Variants in PKHD1 observed in about 807,000 individuals in gnomAD.
The protein encoded by PKHD1 is PKHD1 ciliary IPT domain containing fibrocystin/polyductin, also known as fibrocystin.
PKHD1 carries 291 observed loss-of-function variants against 412.0 expected under a neutral mutation model. That is an observed-to-expected ratio of 0.71 (90% confidence interval 0.64 to 0.78). PKHD1 has a LOEUF of 0.78. Ranked by LOEUF, PKHD1 falls within the 30% of genes least tolerant of loss-of-function variation. PKHD1 has a pLI of 0.00. For synonymous variants in PKHD1, 1,777 were observed against 1,821.5 expected, an observed-to-expected ratio of 0.98 and a Z score of 0.62; for missense variants, 4,825 against 4,950.7, an observed-to-expected ratio of 0.97 and a Z score of 0.76.
At chr6:51,958,914 T>G (rs900932740) in intron 36 of PKHD1, among the ~76,000 whole-genome samples, 2 of 151,842 alleles carry the variant, frequency 1.3e-5, no homozygotes, top group Admixed American at 6.6e-5. Flanking sequence ...ACTAATTAAC[T>G]GATTTGACTG....
intron 34 of PKHD1, among the ~76,000 whole-genome samples, chr6:52,014,163 C>A (rs1353913636): frequency 6.6e-6 from 1 of 152,166 alleles, no homozygotes; most frequent in Non-Finnish European, 1.5e-5. Context: ...CTACTCCCAC[C>A]CTCCTAGCCT....
At chr6:51,746,477 C>T (rs949886854) in intron 59 of PKHD1, among the ~76,000 whole-genome samples, 1 of 152,098 alleles carries the variant, frequency 6.6e-6, no homozygotes, top group Non-Finnish European at 1.5e-5. Flanking sequence ...ATGGCTGAGT[C>T]CAGATTCAAG....
intron 52 of PKHD1, among the ~76,000 whole-genome samples, chr6:51,802,791 C>CTT (rs1181840840): frequency 2.0e-5 from 3 of 151,110 alleles, no homozygotes; most frequent in African/African-American, 7.4e-5. Context: ...TAAATCTTCT[C>CTT]TTTTTGTCTC....
chr6:52,007,374 C>G (rs929246430), intron 35 of PKHD1, among the ~76,000 whole-genome samples: 1 of 152,170 alleles, frequency 6.6e-6, no homozygotes, highest in Non-Finnish European at 1.5e-5. Flanking sequence ...GAATTTGGAA[C>G]AGGGACCTGG....
At chr6:51,959,791 G>A (rs1395541945) in intron 36 of PKHD1, 79 bp downstream of exon 36, 3 of 1,296,536 alleles carry the variant, frequency 2.3e-6, no homozygotes, top group Non-Finnish European at 3.4e-6. Context: ...AACTTATCCA[G>A]AAAGTTTCCC....
chr6:52,020,448 A>G (rs1205028105), intron 33 of PKHD1, among the ~76,000 whole-genome samples: 2 of 152,214 alleles, frequency 1.3e-5, no homozygotes, highest in African/African-American at 2.4e-5. Flanking sequence ...AAATTAGGAA[A>G]GAATATAGGA....
At chr6:52,085,241 G>A (rs1440102837) in intron 1 of PKHD1, among the ~76,000 whole-genome samples, 1 of 44,044 alleles carries the variant, frequency 2.3e-5, no homozygotes, top group African/African-American at 6.0e-5. Flanking sequence ...ATTTTAAGCT[G>A]GATAAATAAT....
At chr6:51,664,447 C>T (rs1047946925) in intron 60 of PKHD1, among the ~76,000 whole-genome samples, 1 of 152,210 alleles carries the variant, frequency 6.6e-6, no homozygotes, top group African/African-American at 2.4e-5. Context: ...AGCCCAGGAC[C>T]GGTCCATGAG....
At chr6:51,904,189 T>G (rs1781721378) in intron 41 of PKHD1, 147 bp from the exon 42 acceptor site, 1 of 664,350 alleles carries the variant, frequency 1.5e-6, no homozygotes, top group Non-Finnish European at 2.8e-6. Context: ...ATACAGATCT[T>G]ATGTACTCTT....
chr6:51,903,567 T>C (rs1257683211), intron 43 of PKHD1, 30 bp downstream of exon 43: 2 of 1,601,662 alleles, frequency 1.2e-6, no homozygotes, highest in African/African-American at 2.7e-5. Flanking sequence ...CTCTCAGTTC[T>C]GGTCTTCCTG....
intron 36 of PKHD1, among the ~76,000 whole-genome samples, chr6:51,938,552 T>G (rs557193117): frequency 2.2e-5 from 3 of 138,030 alleles, no homozygotes; most frequent in East Asian, 4.3e-4. Context: ...TCCCCAAATC[T>G]TATAAGATGG....
chr6:51,627,170 T>A (rs576968550), intron 65 of PKHD1, 54 bp from the exon 66 acceptor site: 1 of 1,567,436 alleles, frequency 6.4e-7, no homozygotes, highest in Non-Finnish European at 8.8e-7. Flanking sequence ...AGTGGGACCA[T>A]CAGCATTTAG....
chr6:51,723,287 C>A lies in PKHD1; in HGVS notation c.10156+21098G>T, dbSNP rs142466435. ...AGACTGTAGTGATGAGTCCCATTTTCAACAGATTCCAAGTGCACACATATG... is the reference window on the plus strand; with the variant it reads ...AGACTGTAGTGATGAGTCCCATTTTAAACAGATTCCAAGTGCACACATATG... On this transcript the variant is annotated intron_variant, in intron 60 of 66. Transcript: ENST00000371117. Among the ~76,000 whole-genome samples, 247 of 152,288 alleles carry A rather than the reference C, an allele frequency of 1.6e-3. 3 individuals are homozygous for A. The highest frequency in any genetic ancestry group is 5.7e-3 in the African/African-American group (238 of 41,582).
At chr6:51,942,112 A>T (rs956681501) in intron 36 of PKHD1, among the ~76,000 whole-genome samples, 1 of 151,586 alleles carries the variant, frequency 6.6e-6, no homozygotes. Context: ...AGCTCACAAA[A>T]GGAAACCTAG....
At chr6:51,830,224 G>A (rs1768015547) in intron 52 of PKHD1, among the ~76,000 whole-genome samples, 1 of 150,954 alleles carries the variant, frequency 6.6e-6, no homozygotes, top group Non-Finnish European at 1.5e-5. Context: ...TCAGGCTAGG[G>A]AGATATTCTG....
chr6:52,080,168 T>C (rs1021173740), intron 4 of PKHD1, among the ~76,000 whole-genome samples, 160 bp from the exon 5 acceptor site: 1 of 152,186 alleles, frequency 6.6e-6, no homozygotes, highest in Middle Eastern at 3.2e-3. Flanking sequence ...CTCATAATTA[T>C]TAGACTTTAA....
At chr6:51,918,607 G>C (rs538941971) in intron 37 of PKHD1, among the ~76,000 whole-genome samples, 3 of 152,294 alleles carry the variant, frequency 2.0e-5, no homozygotes, top group Admixed American at 6.5e-5. Context: ...ATGGGCATTT[G>C]GGTTGGTTCC....
intron 48 of PKHD1, among the ~76,000 whole-genome samples, chr6:51,864,788 A>G (rs1292983235): frequency 6.6e-6 from 1 of 152,172 alleles, no homozygotes; most frequent in Non-Finnish European, 1.5e-5. Context: ...GATATTTTAC[A>G]TTCTTTTTTT....
chr6:51,956,737 T>G (rs1039487335), intron 36 of PKHD1, among the ~76,000 whole-genome samples: 3 of 152,006 alleles, frequency 2.0e-5, no homozygotes, highest in African/African-American at 7.2e-5. Flanking sequence ...GTTGATATTT[T>G]CTCAAAGAGC....
Sources: allele counts gnomAD v4.1 joint callset (sites outside exome capture counted in the v4.1 genomes callset), GRCh38; gene constraint gnomAD v4.1.1; transcripts MANE v1.5; gene names NCBI Gene and HGNC (gene_info 2026-07-23, HGNC 2026-07-21).